HTR4: variants seen among roughly 807,000 people sequenced by gnomAD.
The protein encoded by HTR4 is 5-hydroxytryptamine (serotonin) receptor 4, G protein-coupled.
A neutral mutation model predicts 36.8 loss-of-function variants in HTR4; 16 were observed. That is an observed-to-expected ratio of 0.43 (90% confidence interval 0.29 to 0.66). The LOEUF is 0.66. Among genes scored for constraint, HTR4 ranks in the 30% least tolerant of loss-of-function variants. The probability of loss-of-function intolerance (pLI) is 0.13; values close to 1 mark genes in which losing one functional copy is unlikely to be tolerated. For missense variants in HTR4, 438 were observed against 490.9 expected, an observed-to-expected ratio of 0.89 and a Z score of 1.02; for synonymous variants, 189 against 185.1, an observed-to-expected ratio of 1.02 and a Z score of -0.17.
chr5:148,454,467 A>G (rs542625438), intron 5 of HTR4, among the ~76,000 whole-genome samples: 1 of 152,346 alleles, frequency 6.6e-6, no homozygotes, highest in African/African-American at 2.4e-5. Context: ...AATGAAGAGT[A>G]TGTAATGATA....
chr5:148,555,827 T>G (rs1200562122), intron 2 of HTR4, among the ~76,000 whole-genome samples: 1 of 152,120 alleles, frequency 6.6e-6, no homozygotes, highest in African/African-American at 2.4e-5. Context: ...CTGGGTAAAT[T>G]TCCACATAGG....
intron 1 of HTR4, among the ~76,000 whole-genome samples, chr5:148,651,337 AG>A (rs545505240): frequency 1.2e-4 from 19 of 152,274 alleles, no homozygotes; most frequent in African/African-American, 4.3e-4. Context: ...TAAAGTTGGA[AG>A]GGGGTGGGAA....
intron 6 of HTR4, among the ~76,000 whole-genome samples, chr5:148,503,939 G>GCTAA (rs1242893613): frequency 6.6e-6 from 1 of 152,162 alleles, no homozygotes; most frequent in Non-Finnish European, 1.5e-5. Flanking sequence ...AACAAGGAGA[G>GCTAA]CTAACTATCC....
downstream of HTR4, chr5:148,476,637 A>G: frequency 6.3e-7 from 1 of 1,582,410 alleles, no homozygotes; most frequent in Non-Finnish European, 8.6e-7. Flanking sequence ...CCAAACAAAT[A>G]CATCCAATGA....
intron 5 of HTR4, among the ~76,000 whole-genome samples, chr5:148,512,947 G>T (rs896875813): frequency 6.6e-6 from 1 of 151,728 alleles, no homozygotes; most frequent in Non-Finnish European, 1.5e-5. Context: ...ATTGTCAAGA[G>T]ATGTAAAGAC....
At chr5:148,512,398 G>C (rs1325793524) in intron 5 of HTR4, among the ~76,000 whole-genome samples, 1 of 152,044 alleles carries the variant, frequency 6.6e-6, no homozygotes, top group Non-Finnish European at 1.5e-5. Context: ...CTTTTGAATT[G>C]ATTATTCAGG....
At chr5:148,486,988 C>T (rs541244056) in intron 6 of HTR4, among the ~76,000 whole-genome samples, 1 of 152,320 alleles carries the variant, frequency 6.6e-6, no homozygotes, top group South Asian at 2.1e-4. Context: ...TGATGCAAAA[C>T]ATCATTTAAA....
At chr5:148,561,187 C>G (rs957732409) in intron 2 of HTR4, among the ~76,000 whole-genome samples, 2 of 152,114 alleles carry the variant, frequency 1.3e-5, no homozygotes, top group African/African-American at 4.8e-5. Context: ...TCTTAATAGA[C>G]TTTTCAAGAA....
intron 5 of HTR4, among the ~76,000 whole-genome samples, chr5:148,515,529 T>G (rs1377922773): frequency 6.6e-6 from 1 of 152,186 alleles, no homozygotes; most frequent in Non-Finnish European, 1.5e-5. Context: ...GTGGAAAAAT[T>G]CCCTTCGTTT....
chr5:148,634,199 C>T (rs992674559), intron 2 of HTR4, among the ~76,000 whole-genome samples: 3 of 152,118 alleles, frequency 2.0e-5, no homozygotes, highest in Non-Finnish European at 4.4e-5. Flanking sequence ...AAGTCTAAAG[C>T]CTTCTCTGAG....
At chr5:148,574,396 T>G (rs1239640963) in intron 2 of HTR4, among the ~76,000 whole-genome samples, 2 of 151,666 alleles carry the variant, frequency 1.3e-5, no homozygotes, top group African/African-American at 4.9e-5. Context: ...GCGCGCTCTC[T>G]CTCTCTCTCT....
downstream of HTR4, among the ~76,000 whole-genome samples, chr5:148,474,311 T>A (rs1207531926): frequency 6.6e-6 from 1 of 151,758 alleles, no homozygotes; most frequent in East Asian, 1.9e-4. Flanking sequence ...CTATAAGGCT[T>A]TGGAGAAAGA....
intron 5 of HTR4, 77 bp from the exon 6 acceptor site, chr5:148,510,101 T>A: frequency 5.8e-6 from 5 of 862,004 alleles, no homozygotes; most frequent in East Asian, 2.7e-5. Context: ...GTGGGAAAAA[T>A]GGGGAAGAGT....
At chr5:148,522,982 G>A (rs1758091838) in intron 5 of HTR4, among the ~76,000 whole-genome samples, 1 of 152,138 alleles carries the variant, frequency 6.6e-6, no homozygotes, top group East Asian at 1.9e-4. Context: ...GACCTAGATG[G>A]GACAAGGATT....
chr5:148,539,096 G>A (rs1758978221), intron 4 of HTR4, among the ~76,000 whole-genome samples: 1 of 152,154 alleles, frequency 6.6e-6, no homozygotes, highest in Non-Finnish European at 1.5e-5. Context: ...TCTAATCTTT[G>A]ACAAAGCTGA....
At chr5:148,652,972 GT>G (rs766367613) in intron 1 of HTR4, among the ~76,000 whole-genome samples, 18 of 152,174 alleles carry the variant, frequency 1.2e-4, no homozygotes, top group Admixed American at 5.9e-4. Flanking sequence ...CTCTTTCCTT[GT>G]TTTCAGGGCA....
intron 1 of HTR4, among the ~76,000 whole-genome samples, chr5:148,650,103 A>G (rs1753990917): frequency 6.6e-6 from 1 of 152,138 alleles, no homozygotes; most frequent in Non-Finnish European, 1.5e-5. Context: ...ACAGGTATGC[A>G]ATGTGTAATA....
intron 6 of HTR4, among the ~76,000 whole-genome samples, chr5:148,497,727 G>C (rs1561578770): frequency 6.6e-6 from 1 of 152,246 alleles, no homozygotes; most frequent in African/African-American, 2.4e-5. Flanking sequence ...CAAGGACAAA[G>C]AGGCTGGCTC....
intron 6 of HTR4, among the ~76,000 whole-genome samples, chr5:148,483,976 TA>T (rs1756026180): frequency 6.9e-6 from 1 of 144,838 alleles, no homozygotes; most frequent in Non-Finnish European, 1.5e-5. Flanking sequence ...TTTATTTATT[TA>T]TTTGAGCCAA....
Sources: gnomAD v4.1 joint callset for allele counts (sites outside exome capture counted in the v4.1 genomes callset) on GRCh38, gnomAD v4.1.1 for gene constraint, MANE v1.5 for transcripts, NCBI Gene and HGNC (gene_info 2026-07-23, HGNC 2026-07-21) for gene names.